The following MARCHF1 variants were observed in gnomAD, a reference collection of about 807,000 sequenced individuals.
The protein encoded by MARCHF1 is membrane associated ring-CH-type finger 1.
A neutral mutation model predicts 54.2 loss-of-function variants in MARCHF1; 40 were observed. That is an observed-to-expected ratio of 0.74 (90% CI 0.57 to 0.96). The LOEUF (loss-of-function observed/expected upper bound fraction) is 0.96, where lower values mean the gene tolerates loss of function less well. MARCHF1 is among the 40% of genes least tolerant of loss of function. The pLI is 0.00. For synonymous variants in MARCHF1, 236 were observed against 236.3 expected (o/e 1.00, Z 0.01); for missense variants, 586 against 656.5 (o/e 0.89, Z 1.17).
chr4:164,349,106 C>A (rs1730202316), intron 1 of MARCHF1, among the ~76,000 whole-genome samples: 1 of 152,126 alleles, frequency 6.6e-6, no homozygotes, highest in South Asian at 2.1e-4. Context: ...AAATTAGTCC[C>A]TCTCCCTACC....
At chr4:164,331,940 G>A (rs1735444536) in intron 1 of MARCHF1, among the ~76,000 whole-genome samples, 1 of 152,106 alleles carries the variant, frequency 6.6e-6, no homozygotes, top group Non-Finnish European at 1.5e-5. Context: ...AGTCCCAACG[G>A]TTTTGTTCAT....
intron 4 of MARCHF1, among the ~76,000 whole-genome samples, chr4:163,827,145 C>T (rs1748876180): frequency 6.6e-6 from 1 of 151,548 alleles, no homozygotes; most frequent in Non-Finnish European, 1.5e-5. Context: ...AGCAATGTCT[C>T]CTTTTATCTT....
intron 3 of MARCHF1, among the ~76,000 whole-genome samples, chr4:163,894,629 C>CAT (rs72399012): frequency 2.6e-4 from 26 of 98,992 alleles, no homozygotes; most frequent in African/African-American, 7.8e-4. Context: ...GCATGTGATG[C>CAT]ATATATATAT....
At chr4:163,979,016 AT>A (rs1752704707) in intron 3 of MARCHF1, among the ~76,000 whole-genome samples, 1 of 77,186 alleles carries the variant, frequency 1.3e-5, no homozygotes, top group South Asian at 7.1e-4. Context: ...GGGCCCTTTA[AT>A]TCTTTTTTTT....
chr4:163,945,705 C>T (rs1301305932), intron 3 of MARCHF1, among the ~76,000 whole-genome samples: 1 of 152,134 alleles, frequency 6.6e-6, no homozygotes, highest in African/African-American at 2.4e-5. Flanking sequence ...ATTGAGTAAT[C>T]TTGATATTTC....
chr4:163,563,762 A>G (rs1485688129), intron 8 of MARCHF1, among the ~76,000 whole-genome samples: 1 of 152,228 alleles, frequency 6.6e-6, no homozygotes, highest in Non-Finnish European at 1.5e-5. Context: ...TGCACATACC[A>G]CAATGCTTGG....
chr4:163,542,451 TCA>T (rs1185203098), intron 9 of MARCHF1, among the ~76,000 whole-genome samples: 2 of 152,200 alleles, frequency 1.3e-5, no homozygotes, highest in African/African-American at 4.8e-5. Context: ...GTGGTGAGTT[TCA>T]CAGTCAGGCA....
chr4:163,632,291 G>C (rs1360423750), intron 5 of MARCHF1, among the ~76,000 whole-genome samples: 1 of 152,216 alleles, frequency 6.6e-6, no homozygotes, highest in Admixed American at 6.5e-5. Flanking sequence ...CCCAGCCTGA[G>C]CGACGCAGAA....
At chr4:164,072,832 G>A (rs1308586149) in intron 2 of MARCHF1, among the ~76,000 whole-genome samples, 1 of 152,086 alleles carries the variant, frequency 6.6e-6, no homozygotes, top group Non-Finnish European at 1.5e-5. Context: ...TTAGGCAATG[G>A]AGAAGATATA....
chr4:163,720,381 G>A (rs189576889), intron 4 of MARCHF1, among the ~76,000 whole-genome samples: 2 of 152,092 alleles, frequency 1.3e-5, no homozygotes, highest in South Asian at 2.1e-4. Flanking sequence ...TGTTCCATTG[G>A]TCTATATCTC....
chr4:164,103,914 A>G (rs1406110283), intron 2 of MARCHF1, among the ~76,000 whole-genome samples: 1 of 149,254 alleles, frequency 6.7e-6, no homozygotes, highest in Non-Finnish European at 1.5e-5. Flanking sequence ...TAGACGCAAT[A>G]AAAAATGATA....
intron 1 of MARCHF1, among the ~76,000 whole-genome samples, chr4:164,142,464 G>C (rs1372565645): frequency 6.6e-6 from 1 of 152,162 alleles, no homozygotes; most frequent in Non-Finnish European, 1.5e-5. Context: ...CCAGCACGCA[G>C]CTGGAGATCT....
chr4:163,748,025 T>C (rs1020914493), intron 4 of MARCHF1, among the ~76,000 whole-genome samples: 3 of 152,186 alleles, frequency 2.0e-5, no homozygotes, highest in Non-Finnish European at 4.4e-5. Flanking sequence ...AATTAACATT[T>C]ATTGTTCCCC....
intron 3 of MARCHF1, among the ~76,000 whole-genome samples, chr4:163,870,865 G>C (rs1446927339): frequency 6.6e-6 from 1 of 152,210 alleles, no homozygotes; most frequent in East Asian, 1.9e-4. Flanking sequence ...CCAGAAGTTG[G>C]TTAATGAATA....
rs56766952 is a variant in MARCHF1, at chr4:163,527,816, TATCAATCA to T, written c.*924_*931del. The stretch of plus-strand genomic sequence containing the variant: ...CTTGGTTCAAGAAACAGATGTAAAC[TATCAATCA>T]ATCAATCAATTTTTTATATTGATGA... On this transcript the variant is annotated 3_prime_UTR_variant, in exon 10 of 10. Coordinates refer to ENST00000514618, the MANE Select transcript of MARCHF1 (RefSeq NM_001394959.1). 2 of 147,954 alleles carry T rather than the reference TATCAATCA, an allele frequency of 1.4e-5. No homozygotes were observed. The highest frequency in any genetic ancestry group is 2.4e-5 in the African/African-American group (1 of 40,910). The allele number at this position is 147,954 out of a possible 1,614,324, so 9.2% of individuals were successfully genotyped here.
intron 3 of MARCHF1, among the ~76,000 whole-genome samples, chr4:163,921,848 T>C (rs1751437232): frequency 6.6e-6 from 1 of 152,276 alleles, no homozygotes; most frequent in East Asian, 1.9e-4. Flanking sequence ...AGGTATTTTG[T>C]ACCTCTATAC....
intron 7 of MARCHF1, among the ~76,000 whole-genome samples, chr4:163,607,663 G>A (rs1340050094): frequency 6.6e-6 from 1 of 152,088 alleles, no homozygotes; most frequent in African/African-American, 2.4e-5. Flanking sequence ...AAAAACTATA[G>A]ACATTTGGCT....
intron 5 of MARCHF1, among the ~76,000 whole-genome samples, chr4:163,632,536 G>A (rs574050026): frequency 1.6e-3 from 249 of 152,314 alleles, no homozygotes; most frequent in Admixed American, 4.3e-3. Flanking sequence ...GCGCTTTTCC[G>A]ACGGGCTTAA....
intron 4 of MARCHF1, among the ~76,000 whole-genome samples, chr4:163,755,256 T>G (rs1406467603): frequency 4.6e-5 from 7 of 152,188 alleles, no homozygotes. Context: ...CAATAAAATA[T>G]GTACAGGGAG....
Sources: gnomAD v4.1 joint callset for allele counts (sites outside exome capture counted in the v4.1 genomes callset) on GRCh38, gnomAD v4.1.1 for gene constraint, MANE v1.5 for transcripts, NCBI Gene and HGNC (gene_info 2026-07-23, HGNC 2026-07-21) for gene names.